PPRC1: variants seen among roughly 807,000 people sequenced by gnomAD.
PPRC1 encodes PPARG related coactivator 1.
Under a neutral mutation model 132.5 loss-of-function variants are expected in PPRC1, and 23 were observed. That is an observed-to-expected ratio of 0.17 (90% CI 0.12 to 0.25). The LOEUF (loss-of-function observed/expected upper bound fraction) is 0.25. Among genes scored for constraint, PPRC1 ranks in the 10% least tolerant of loss-of-function variants. The pLI is 1.00. For missense variants in PPRC1, 2,006 were observed against 2,089.1 expected, an observed-to-expected ratio of 0.96 and a Z score of 0.78; for synonymous variants, 872 against 833.5, an observed-to-expected ratio of 1.05 and a Z score of -0.80.
At chr10:102,149,104 T>C in intron 12 of PPRC1, 74 bp from the exon 13 acceptor site, 1 of 1,525,382 alleles carries the variant, frequency 6.6e-7, no homozygotes, top group Non-Finnish European at 8.8e-7. Context: ...CTCTGTACCT[T>C]GGGATGCTGT....
At chr10:102,144,979 G>T in intron 7 of PPRC1, 41 bp from the exon 8 acceptor site, 1 of 1,442,304 alleles carries the variant, frequency 6.9e-7, no homozygotes, top group Non-Finnish European at 9.5e-7. Context: ...AAGATATTGA[G>T]AAGGCAATGA....
At chr10:102,120,632 G>A in the PPRC1 span, among the ~76,000 whole-genome samples, 1 of 152,150 alleles carries the variant, frequency 6.6e-6, no homozygotes, top group South Asian at 2.1e-4. Context: ...GCGAGGGGCT[G>A]GGAGCGCTCG....
rs2068994596 is a variant in PPRC1 at position 102,141,826 on chromosome 10, G to A, written c.3318G>A (p.Glu1106=). 1.9e-6 allele frequency: 3 copies of A among 1,614,068 alleles called. No individual in the cohort carries two copies. The African/African-American group carries it at 4.0e-5, about 22-fold the overall frequency. The change falls in exon 5 of 14, where the codon GAG becomes GAA. Residue 1106 remains glutamate (E), a synonymous_variant. Coordinates refer to ENST00000278070, the MANE Select transcript of PPRC1 (RefSeq NM_015062.5). ...AGAGGCTAAAGCCTGAGACCCAAGA[G>A]ACCAGGCCCAGGGAGAAGCCCCCCT... ...ASERLKPETQ[E]TRPREKPPLP...
At chr10:102,138,315 T>G (rs1399773962) in intron 2 of PPRC1, among the ~76,000 whole-genome samples, 1 of 152,228 alleles carries the variant, frequency 6.6e-6, no homozygotes, top group African/African-American at 2.4e-5. Context: ...GATTCTGATC[T>G]CTGTTTTTCA....
chr10:102,139,214 C>G lies in PPRC1; in HGVS notation c.706C>G (p.Gln236Glu), dbSNP rs1487855613. 1 of 1,614,172 alleles carries G rather than the reference C, an allele frequency of 6.2e-7. No individual in the cohort carries two copies. The highest frequency in any genetic ancestry group is 1.3e-5 in the African/African-American group (1 of 75,040). ...CCCAAGATCAAGACCACGCTGGGGCCAATCCCCACCTCCCCAGCAGCGCAG... is the reference window on the plus strand; with the variant it reads ...CCCAAGATCAAGACCACGCTGGGGCGAATCCCCACCTCCCCAGCAGCGCAG... ...RPPRSRPRWG[Q>E]SPPPQQRSDG... The change falls in exon 5 of 14, where the codon CAA becomes GAA. Residue 236 changes from glutamine (Q) to glutamate (E), a missense_variant. By Grantham distance (29) the Gln-to-Glu change is conservative. Coordinates refer to ENST00000278070, the MANE Select transcript of PPRC1 (RefSeq NM_015062.5).
intron 1 of PPRC1, among the ~76,000 whole-genome samples, chr10:102,133,832 C>T (rs1312671458): frequency 2.0e-5 from 3 of 151,870 alleles, no homozygotes; most frequent in African/African-American, 7.2e-5. Context: ...AGGCCCGGGC[C>T]GGGAAGGAAG....
At chr10:102,133,813 C>G (rs533294295) in intron 1 of PPRC1, among the ~76,000 whole-genome samples, 1 of 151,712 alleles carries the variant, frequency 6.6e-6, no homozygotes, top group Non-Finnish European at 1.5e-5. Flanking sequence ...CATCTCCTGC[C>G]GGGGCTGGAG....
chr10:102,130,157 C>T (rs1351331518), upstream of PPRC1, among the ~76,000 whole-genome samples: 1 of 152,002 alleles, frequency 6.6e-6, no homozygotes, highest in African/African-American at 2.4e-5. Context: ...TGGCTCATGC[C>T]TGTAATCCCA....
chr10:102,123,422 A>G, the PPRC1 span, among the ~76,000 whole-genome samples: 3 of 152,248 alleles, frequency 2.0e-5, no homozygotes, highest in South Asian at 6.2e-4. Flanking sequence ...CTTAATGACA[A>G]TGTCCTGGAG....
chr10:102,149,856 C>A (rs2069435402), intron 13 of PPRC1, 70 bp from the exon 14 acceptor site: 4 of 1,193,336 alleles, frequency 3.4e-6, no homozygotes, highest in Non-Finnish European at 3.8e-6. Context: ...TGGGAGATAG[C>A]TAGCCATTTG....
At chr10:102,143,671 G>A (rs1490155054) in intron 6 of PPRC1, among the ~76,000 whole-genome samples, 2 of 151,864 alleles carry the variant, frequency 1.3e-5, no homozygotes, top group African/African-American at 2.4e-5. Context: ...GAGGGAAGTA[G>A]CTTTCAGGCT....
chr10:102,138,570 AG>A (rs2068809375), intron 2 of PPRC1, 48 bp from the exon 3 acceptor site: 1 of 1,596,904 alleles, frequency 6.3e-7, no homozygotes, highest in Non-Finnish European at 8.6e-7. Flanking sequence ...GTGGCATAGT[AG>A]GTCATTAGGG....
At chr10:102,127,409 G>A in the PPRC1 span, among the ~76,000 whole-genome samples, 2 of 151,990 alleles carry the variant, frequency 1.3e-5, no homozygotes, top group African/African-American at 4.8e-5. Context: ...TTGTGATAGA[G>A]TCTTGCTCTG....
chr10:102,126,214 C>T, the PPRC1 span, among the ~76,000 whole-genome samples: 1 of 152,132 alleles, frequency 6.6e-6, no homozygotes, highest in East Asian at 1.9e-4. Flanking sequence ...CTATGGCTCA[C>T]ACATGTAATC....
chr10:102,144,865 A>G (rs2133695178), intron 7 of PPRC1, 155 bp from the exon 8 acceptor site: 7 of 653,172 alleles, frequency 1.1e-5, no homozygotes, highest in Middle Eastern at 6.3e-4. Flanking sequence ...AGTTCAGTCA[A>G]TAAGACCCTT....
chr10:102,142,147 C>T (rs1004388705), intron 5 of PPRC1, 143 bp downstream of exon 5: 1 of 1,021,646 alleles, frequency 9.8e-7, no homozygotes, highest in South Asian at 1.8e-5. Flanking sequence ...GAGTCTTGCT[C>T]TGTCTCCAGG....
intron 1 of PPRC1, among the ~76,000 whole-genome samples, chr10:102,136,267 T>G (rs2068717021): frequency 6.6e-6 from 1 of 151,738 alleles, no homozygotes; most frequent in African/African-American, 2.4e-5. Flanking sequence ...CCTTTCCTTT[T>G]CCTGGGCGTT....
Position 102,141,412 on chromosome 10 carries a change from C to T in PPRC1, c.2904C>T (p.Ala968=). 1 of 1,614,012 alleles carries T rather than the reference C, an allele frequency of 6.2e-7. No individual in the cohort carries two copies. Among genetic ancestry groups the T allele is most frequent in the Non-Finnish European group, 8.5e-7 (1 of 1,180,030 alleles). Residue 968 remains alanine (A), a synonymous_variant, in exon 5 of 14, where the codon GCC becomes GCT. Transcript: ENST00000278070. ...GTGTGCCTTGGGCACCCCCTCCTGC[C>T]CCAGTCTCACCTTACAGTTCCACAT... ...TCSVPWAPPP[A]PVSPYSSTCT... is the part of the protein sequence containing the mutation.
intron 2 of PPRC1, 70 bp downstream of exon 2, chr10:102,138,108 G>A: frequency 4.0e-6 from 6 of 1,491,608 alleles, no homozygotes; most frequent in Non-Finnish European, 5.5e-6. Flanking sequence ...TCAAATTCTT[G>A]GCATGGCTCT....
Sources: allele counts gnomAD v4.1 joint callset (sites outside exome capture counted in the v4.1 genomes callset), GRCh38; gene constraint gnomAD v4.1.1; transcripts MANE v1.5; gene names NCBI Gene and HGNC (gene_info 2026-07-23, HGNC 2026-07-21).